The following SLC18A1 variants were observed in gnomAD, a reference collection of about 807,000 sequenced individuals.
SLC18A1 encodes the protein chromaffin granule amine transporter.
A neutral mutation model predicts 53.7 loss-of-function variants in SLC18A1; 69 were observed. That is an observed-to-expected ratio of 1.28 (90% CI 1.06 to 1.57). The LOEUF is 1.57. Among genes scored for constraint, SLC18A1 ranks in the 40% most tolerant of loss-of-function variants. SLC18A1 has a pLI of 0.00. For synonymous variants in SLC18A1, 320 were observed against 248.1 expected, an observed-to-expected ratio of 1.29 and a Z score of -2.72; for missense variants, 932 against 668.1, an observed-to-expected ratio of 1.40 and a Z score of -4.35.
chr8:20,147,370 A>T lies in SLC18A1; in HGVS notation c.1352T>A (p.Ile451Asn). The T allele has an allele frequency of 6.2e-7, 1 of 1,611,932 alleles. No individual in the cohort carries two copies. Among genetic ancestry groups the T allele is most frequent in the Non-Finnish European group, 8.5e-7 (1 of 1,179,332 alleles). ...FAIGPSTGGA[I>N]VKAIGFPWLM... ...CCAGGGAAAACCGATGGCCTTTACA[A>T]TGGCACCACCGGTGGATGGACCTGG... Residue 451 changes from isoleucine to asparagine, a missense_variant, in exon 15 of 16, where the codon ATT (isoleucine) becomes AAT (asparagine). Coordinates refer to ENST00000276373, the MANE Select transcript of SLC18A1 (RefSeq NM_003053.4).
At position 20,179,352 on chromosome 8, in the gene SLC18A1, T is replaced by C. The variant is rs367762472; in HGVS notation, c.257A>G (p.Asn86Ser). 2.5e-6 allele frequency: 4 copies of C among 1,614,030 alleles called. No homozygotes were observed. Among genetic ancestry groups the C allele is most frequent in the Admixed American group, 3.3e-5 (2 of 59,998 alleles). The change falls in exon 3 of 16, where the codon AAC (asparagine) becomes AGC (serine). Residue 86 changes from asparagine to serine, a missense_variant. Transcript: ENST00000276373. ...PAFSTIFSFF[N>S]NNTVAVEESV... Reference sequence around the variant, plus strand: ...TTCTTCAACAGCCACGGTGTTGTTGTTGAAGAAGGAGAAGATGGTGGAAAA... The same window carrying C: ...TTCTTCAACAGCCACGGTGTTGTTGCTGAAGAAGGAGAAGATGGTGGAAAA...
rs2071377054 is a variant in SLC18A1 at position 20,145,704 on chromosome 8, G to T, written c.*59C>A. Reference sequence around the variant, plus strand: ...GCCGTGGGCTCAGCCATGGTGATCTGGTCCCAGGGAAAGAGGTGGTCACTG... The same window carrying T: ...GCCGTGGGCTCAGCCATGGTGATCTTGTCCCAGGGAAAGAGGTGGTCACTG... On this transcript the variant is annotated 3_prime_UTR_variant, in exon 16 of 16. Coordinates refer to ENST00000276373, the MANE Select transcript of SLC18A1 (RefSeq NM_003053.4). 2.7e-6 allele frequency: 3 copies of T among 1,116,698 alleles called. No individual in the cohort carries two copies. The highest frequency in any genetic ancestry group is 4.0e-6 in the Non-Finnish European group (3 of 754,472). The allele number at this position is 1,116,698 out of a possible 1,614,324, so 69.2% of individuals were successfully genotyped here.
intron 10 of SLC18A1, among the ~76,000 whole-genome samples, chr8:20,157,625 T>C (rs532362778): frequency 6.6e-6 from 1 of 152,336 alleles, no homozygotes; most frequent in South Asian, 2.1e-4. Context: ...CTCTGTCACC[T>C]GACTCTATTG....
rs1258011881 is a variant in SLC18A1 at position 20,164,963 on chromosome 8, C to A, written c.921G>T (p.Gly307=). ...LKDPYILVAA[G]SICFANMGVA... is the part of the protein sequence containing the mutation. ...CCCCCATGTTGGCAAAGCAGATGGA[C>A]CCTGGGGAGACTGTTCTGTGAGCAG... The change falls in exon 10 of 16, where the codon GGG becomes GGT. Residue 307 remains glycine (G), a splice_region_variant and synonymous_variant. Transcript: ENST00000276373. The A allele has an allele frequency of 1.2e-6, 2 of 1,613,966 alleles. No individual in the cohort carries two copies. Among genetic ancestry groups the A allele is most frequent in the South Asian group, 1.1e-5 (1 of 91,054 alleles).
intron 11 of SLC18A1, among the ~76,000 whole-genome samples, chr8:20,149,932 T>A (rs73606485): frequency 0.013 from 1,931 of 152,252 alleles, 35 homozygotes; most frequent in African/African-American, 0.043. Context: ...CATCCCTTTT[T>A]CTATAGAAAG....
rs138012828 is a variant in SLC18A1 at position 20,150,912 on chromosome 8, C to T, written c.1016-168G>A. ...CAAACCCACAGTAGTTGCCATAGGA[C>T]CCCCACACCTCTCCTTTCTTCAGGA... On this transcript the variant is annotated intron_variant, in intron 10 of 15. Transcript: ENST00000276373. 1,826 of 618,370 alleles carry T rather than the reference C, an allele frequency of 3.0e-3. 6 individuals carry two copies. The highest frequency in any genetic ancestry group is 4.2e-3 in the Non-Finnish European group (1,451 of 342,608). The allele number at this position is 618,370 out of a possible 1,614,324, so 38.3% of individuals were successfully genotyped here. A position where few individuals can be genotyped will look rare whatever the true frequency, so the allele number is the denominator to read the frequency against.
chr8:20,147,012 C>G (rs1206437500), intron 15 of SLC18A1, among the ~76,000 whole-genome samples: 1 of 152,110 alleles, frequency 6.6e-6, no homozygotes, highest in Non-Finnish European at 1.5e-5. Flanking sequence ...GCCCCCATTT[C>G]CCTTCTCTAC....
intron 4 of SLC18A1, among the ~76,000 whole-genome samples, chr8:20,176,776 A>T (rs149879888): frequency 2.0e-5 from 3 of 152,370 alleles, no homozygotes; most frequent in African/African-American, 7.2e-5. Context: ...ATTATTTAAC[A>T]TATATAGTTT....
intron 3 of SLC18A1, 138 bp downstream of exon 3, chr8:20,178,983 G>C (rs980334748): frequency 5.0e-6 from 5 of 996,454 alleles, no homozygotes; most frequent in Non-Finnish European, 7.3e-6. Context: ...TTTGAGTAAC[G>C]AGCTTTCCGA....
In SLC18A1 at chr8:20,145,665, G is replaced by A; in HGVS notation, c.*98C>T. 1 of 655,802 alleles carries A rather than the reference G, an allele frequency of 1.5e-6. No homozygotes were observed. The highest frequency in any genetic ancestry group is 2.6e-6 in the Non-Finnish European group (1 of 377,510). 40.6% of individuals were successfully genotyped at this position (655,802 alleles called of 1,614,324 possible). A position where few individuals can be genotyped will look rare whatever the true frequency, so the allele number is the denominator to read the frequency against. On this transcript the variant is annotated 3_prime_UTR_variant, in exon 16 of 16. Transcript: ENST00000276373. ...AAAGAAGATTCCCAGGCAGAGGTATGTGAAGCCCACTGAGCCGTGGGCTCA... is the reference window on the plus strand; with the variant it reads ...AAAGAAGATTCCCAGGCAGAGGTATATGAAGCCCACTGAGCCGTGGGCTCA...
chr8:20,162,260 G>A (rs189083951), intron 10 of SLC18A1, among the ~76,000 whole-genome samples: 10 of 152,258 alleles, frequency 6.6e-5, no homozygotes, highest in Admixed American at 3.3e-4. Flanking sequence ...GCACAGCTTC[G>A]AAGGTCTCTA....
chr8:20,159,217 C>G (rs928741162), intron 10 of SLC18A1, among the ~76,000 whole-genome samples: 1 of 152,186 alleles, frequency 6.6e-6, no homozygotes, highest in Non-Finnish European at 1.5e-5. Flanking sequence ...ATGACCCCTA[C>G]TATGCCCCAG....
intron 11 of SLC18A1, among the ~76,000 whole-genome samples, chr8:20,150,387 A>T (rs1019939949): frequency 3.3e-5 from 5 of 152,128 alleles, no homozygotes; most frequent in African/African-American, 1.2e-4. Context: ...TGGTTATTTT[A>T]TCTCCTCAAC....
At chr8:20,176,438 G>A (rs1313428513) in intron 4 of SLC18A1, among the ~76,000 whole-genome samples, 1 of 152,140 alleles carries the variant, frequency 6.6e-6, no homozygotes, top group African/African-American at 2.4e-5. Context: ...CCAGCCTCAG[G>A]TACTCCTTTA....
At chr8:20,168,453 T>A (rs1307996134) in intron 8 of SLC18A1, among the ~76,000 whole-genome samples, 1 of 152,168 alleles carries the variant, frequency 6.6e-6, no homozygotes, top group Non-Finnish European at 1.5e-5. Context: ...GATAAATAAA[T>A]GTTTTTTAAG....
chr8:20,179,023 G>A (rs2072334436), intron 3 of SLC18A1, 98 bp downstream of exon 3: 2 of 1,410,678 alleles, frequency 1.4e-6, no homozygotes, highest in Admixed American at 2.4e-5. Flanking sequence ...AATCATACAA[G>A]TGAGTATTTC....
chr8:20,179,146 G>T lies in SLC18A1; in HGVS notation c.463C>A (p.Pro155Thr), dbSNP rs1042770556. 53 of 1,613,402 alleles carry T rather than the reference G, an allele frequency of 3.3e-5. No homozygotes were observed. The highest frequency in any genetic ancestry group is 4.3e-5 in the Non-Finnish European group (51 of 1,179,482). ...SKAVMQLLVNPFVGPLTNRIG... is the reference protein window; with the variant it reads ...SKAVMQLLVNTFVGPLTNRIG... ...CTGTTGGTGAGAGGGCCCACGAATG[G>T]GTTGACCAGAAGTTGCATCACAGCC... The change falls in exon 3 of 16, where the codon CCA becomes ACA. Residue 155 changes from proline (P) to threonine (T), a missense_variant. By Grantham distance (38) the Pro-to-Thr change is conservative. Coordinates refer to ENST00000276373, the MANE Select transcript of SLC18A1 (RefSeq NM_003053.4).
intron 5 of SLC18A1, among the ~76,000 whole-genome samples, chr8:20,173,444 G>C (rs551179735): frequency 1.1e-4 from 17 of 152,208 alleles, no homozygotes; most frequent in African/African-American, 4.1e-4. Flanking sequence ...CCCAAAATGA[G>C]GGGTTACAGA....
chr8:20,147,887 T>G (rs981747212), intron 13 of SLC18A1, 120 bp downstream of exon 13: 7 of 1,432,310 alleles, frequency 4.9e-6, no homozygotes, highest in Non-Finnish European at 6.7e-6. Flanking sequence ...CCCTGCCAGC[T>G]GCCCTCCTGA....
Sources: gnomAD v4.1 joint callset for allele counts (sites outside exome capture counted in the v4.1 genomes callset) on GRCh38, gnomAD v4.1.1 for gene constraint, MANE v1.5 for transcripts, NCBI Gene and HGNC (gene_info 2026-07-23, HGNC 2026-07-21) for gene names.